The following TCTN2 variants were observed in gnomAD, a reference collection of about 807,000 sequenced individuals.
TCTN2 encodes tectonic family member 2.
A neutral mutation model predicts 83.4 loss-of-function variants in TCTN2; 66 were observed. That is an observed-to-expected ratio of 0.79 (90% CI 0.65 to 0.97). TCTN2 has a LOEUF of 0.97. TCTN2 is among the 50% of genes least tolerant of loss of function. The pLI, the probability that TCTN2 is intolerant of heterozygous loss-of-function variation, is 0.00. For synonymous variants in TCTN2, 301 were observed against 326.7 expected, an observed-to-expected ratio of 0.92 and a Z score of 0.85; for missense variants, 794 against 858.1, an observed-to-expected ratio of 0.93 and a Z score of 0.93.
In TCTN2 at chr12:123,697,167, G is replaced by A; in HGVS notation, c.1474G>A (p.Val492Ile). 1 of 1,614,010 alleles carries A rather than the reference G, an allele frequency of 6.2e-7. No individual in the cohort carries two copies. The highest frequency in any genetic ancestry group is 2.2e-5 in the East Asian group (1 of 44,856). Residue 492 changes from valine to isoleucine, a missense_variant, in exon 13 of 18, where the codon GTC (valine) becomes ATC (isoleucine). Transcript: ENST00000303372. ...TGTACTCTCTGGATGCCTGTTAGAA[G>A]TCGGGATTAATGAAAATTGTACTCA... ...ENVLSGCLLEVGINENCTQLR... is the reference protein window; with the variant it reads ...ENVLSGCLLEIGINENCTQLR...
At chr12:123,701,192 T>C (rs1044268964) in intron 14 of TCTN2, among the ~76,000 whole-genome samples, 1 of 152,180 alleles carries the variant, frequency 6.6e-6, no homozygotes, top group African/African-American at 2.4e-5. Flanking sequence ...ATATGCAATG[T>C]CCAGAATGGG....
chr12:123,672,789 G>A (rs191049534), intron 3 of TCTN2, among the ~76,000 whole-genome samples: 1 of 152,092 alleles, frequency 6.6e-6, no homozygotes, highest in African/African-American at 2.4e-5. Context: ...GGTGGCTCAC[G>A]CCTGTAATCC....
Position 123,672,849 on chromosome 12 carries a change from A to C in TCTN2, c.267+717A>C, listed in dbSNP as rs1284073551. ...GCGGATCATCTGAGGTCAGGAGTTCAAGACCAGTCTGGCCAACATGGTGAA... is the reference window on the plus strand; with the variant it reads ...GCGGATCATCTGAGGTCAGGAGTTCCAGACCAGTCTGGCCAACATGGTGAA... On this transcript the variant is annotated intron_variant, in intron 3 of 17. Coordinates refer to ENST00000303372, the MANE Select transcript of TCTN2 (RefSeq NM_024809.5). 2.0e-5 allele frequency among the ~76,000 whole-genome samples: 3 copies of C among 152,172 alleles called. No homozygotes were observed. The East Asian group carries it at 5.8e-4, about 29-fold the overall frequency.
intron 5 of TCTN2, among the ~76,000 whole-genome samples, chr12:123,680,588 G>GTCTGC (rs754544045): frequency 6.7e-6 from 1 of 150,132 alleles, no homozygotes; most frequent in Non-Finnish European, 1.5e-5. Flanking sequence ...ACGATCTCGG[G>GTCTGC]TCACTGCAAC....
In TCTN2 at chr12:123,679,263, T is replaced by C. The variant is rs1439783387; in HGVS notation, c.538T>C (p.Cys180Arg). The C allele has an allele frequency of 6.2e-7, 1 of 1,614,030 alleles. No homozygotes were observed. The change falls in exon 5 of 18, where the codon TGT becomes CGT. Residue 180 changes from cysteine to arginine, a missense_variant. Transcript: ENST00000303372. ...PCPCNLTAGA[C>R]DVRCCCDQEC... The stretch of plus-strand genomic sequence containing the variant: ...TCCTTGTAATTTAACAGCTGGAGCC[T>C]GTGATGTTCGCTGCTGCTGTGACCA...
chr12:123,688,520 A>G (rs1956004512), intron 7 of TCTN2, among the ~76,000 whole-genome samples: 1 of 151,156 alleles, frequency 6.6e-6, no homozygotes, highest in African/African-American at 2.4e-5. Flanking sequence ...TGGCCACTAG[A>G]CCCTTCTTTT....
At chr12:123,690,736 A>C in intron 8 of TCTN2, 62 bp downstream of exon 8, 153 of 1,580,800 alleles carry the variant, frequency 9.7e-5, no homozygotes, top group Non-Finnish European at 1.2e-4. Context: ...GTATGATCTC[A>C]TGAGAGTATA....
intron 5 of TCTN2, among the ~76,000 whole-genome samples, chr12:123,682,763 T>G (rs1218824899): frequency 6.6e-6 from 1 of 151,792 alleles, no homozygotes; most frequent in Non-Finnish European, 1.5e-5. Flanking sequence ...ATTAGAGGGG[T>G]GAGCCACTGT....
chr12:123,704,455 C>T, intron 14 of TCTN2, 77 bp from the exon 15 acceptor site: 1 of 1,454,364 alleles, frequency 6.9e-7, no homozygotes. Context: ...TATTATTCCC[C>T]ATTTTGGTTA....
chr12:123,694,840 A>G lies in TCTN2; in HGVS notation c.1100-2A>G. 15 of 1,611,504 alleles carry G rather than the reference A, an allele frequency of 9.3e-6. No individual in the cohort carries two copies. Among genetic ancestry groups the G allele is most frequent in the Non-Finnish European group, 1.2e-5 (14 of 1,178,066 alleles). On this transcript the variant is annotated splice_acceptor_variant, in intron 9 of 17. Coordinates refer to ENST00000303372, the MANE Select transcript of TCTN2 (RefSeq NM_024809.5). LOFTEE classifies it high-confidence loss of function. ...TTTATGAACATATTCTTGTATTTGC[A>G]GAAACTCCTTTAAATAACGGATCAA...
chr12:123,688,144 G>T lies in TCTN2; in HGVS notation c.858G>T (p.Met286Ile), dbSNP rs371804063. ...GTTACAAACAAGGAGATCCCATTAT[G>T]ACTGTAAAGAAGGCATATTTTACTA... ...DFGYKQGDPIMTVKKAYFTIP... is the reference protein window; with the variant it reads ...DFGYKQGDPIITVKKAYFTIP... The change falls in exon 7 of 18, where the codon ATG becomes ATT. Residue 286 changes from methionine to isoleucine, a missense_variant. Physicochemically the swap from Met to Ile is conservative, Grantham distance 10. Transcript: ENST00000303372. 4.3e-6 allele frequency: 7 copies of T among 1,613,032 alleles called. No homozygotes were observed. The highest frequency in any genetic ancestry group is 1.7e-5 in the Admixed American group (1 of 59,962).
At position 123,690,391 on chromosome 12, in the gene TCTN2, A is replaced by G. The variant is rs999673212; in HGVS notation, c.892-142A>G. On this transcript the variant is annotated intron_variant, in intron 7 of 17. Transcript: ENST00000303372. ...TTAGATGTTTTGCTAAAGCGGGTCAACTAGTCGGTGAACTTGCCGTTGCTG... is the reference window on the plus strand; with the variant it reads ...TTAGATGTTTTGCTAAAGCGGGTCAGCTAGTCGGTGAACTTGCCGTTGCTG... The G allele has an allele frequency of 7.3e-5, 83 of 1,130,820 alleles. No homozygotes were observed. The East Asian group carries it at 2.1e-3, about 28-fold the overall frequency. 70.0% of individuals were successfully genotyped at this position (1,130,820 alleles called of 1,614,324 possible). A position where few individuals can be genotyped will look rare whatever the true frequency, so the allele number is the denominator to read the frequency against.
intron 11 of TCTN2, 147 bp downstream of exon 11, chr12:123,695,444 C>A (rs886143811): frequency 1.6e-6 from 1 of 640,422 alleles, no homozygotes; most frequent in South Asian, 1.7e-5. Context: ...TTTTTTGAGA[C>A]GGAGTCTTGC....
At position 123,694,809 on chromosome 12, in the gene TCTN2, CTTTAA is replaced by C. The variant is rs776125274; in HGVS notation, c.1100-28_1100-24del. 1.0e-5 allele frequency: 16 copies of C among 1,604,050 alleles called. No individual in the cohort carries two copies. The African/African-American group carries it at 2.1e-4, about 22-fold the overall frequency. On this transcript the variant is annotated intron_variant, in intron 9 of 17. Coordinates refer to ENST00000303372, the MANE Select transcript of TCTN2 (RefSeq NM_024809.5). ...TAACAGAGTCAGGCTCAAAGAGGGT[CTTTAA>C]TTTATGAACATATTCTTGTATTTGC...
At chr12:123,685,438 A>G (rs1169147587) in intron 5 of TCTN2, among the ~76,000 whole-genome samples, 1 of 152,180 alleles carries the variant, frequency 6.6e-6, no homozygotes, top group East Asian at 1.9e-4. Flanking sequence ...TCTTTTTTCG[A>G]GACGGAGTCT....
In TCTN2 at chr12:123,671,173, T is replaced by G; in HGVS notation, c.-68T>G. The G allele has an allele frequency of 6.8e-7, 1 of 1,468,952 alleles. No homozygotes were observed. Among genetic ancestry groups the G allele is most frequent in the Non-Finnish European group, 9.3e-7 (1 of 1,073,642 alleles). The allele number at this position is 1,468,952 out of a possible 1,614,324, so 91.0% of individuals were successfully genotyped here. On this transcript the variant is annotated 5_prime_UTR_variant, in exon 1 of 18. Coordinates refer to ENST00000303372, the MANE Select transcript of TCTN2 (RefSeq NM_024809.5). ...CGGGGCAGTGGCTGCTGCGTTTTCGTGTCTGAGTCCTTCCTGGGTTCTAAT... is the reference window on the plus strand; with the variant it reads ...CGGGGCAGTGGCTGCTGCGTTTTCGGGTCTGAGTCCTTCCTGGGTTCTAAT...
chr12:123,696,542 T>C, intron 12 of TCTN2, 47 bp downstream of exon 12: 3 of 1,494,282 alleles, frequency 2.0e-6, no homozygotes, highest in Non-Finnish European at 2.8e-6. Context: ...AAATTGGTGT[T>C]AGAAGTATTA....
rs1955760027 is a variant in TCTN2 at position 123,672,079 on chromosome 12, G to A, written c.214G>A (p.Gly72Arg). 6.2e-7 allele frequency: 1 copy of A among 1,614,166 alleles called. No individual in the cohort carries two copies. The highest frequency in any genetic ancestry group is 2.2e-5 in the East Asian group (1 of 44,880). Residue 72 changes from glycine to arginine, a missense_variant, in exon 3 of 18, where the codon GGA becomes AGA. By Grantham distance (125) the Gly-to-Arg change is moderately radical. Transcript: ENST00000303372. ...EAGILPIPTC[G>R]VLNNETEDWS... ...AGGAATATTGCCAATTCCGACGTGTGGAGTGCTGAACAATGAGACGGAAGA... is the reference window on the plus strand; with the variant it reads ...AGGAATATTGCCAATTCCGACGTGTAGAGTGCTGAACAATGAGACGGAAGA...
Position 123,688,519 on chromosome 12 carries a change from G to T in TCTN2, c.891+342G>T, listed in dbSNP as rs537235883. Among the ~76,000 whole-genome samples the T allele has an allele frequency of 2.0e-5, 3 of 151,368 alleles. No homozygotes were observed. The South Asian group carries it at 6.3e-4, about 32-fold the overall frequency. ...CATGAGCCACCATGCCTGGCCACTA[G>T]ACCCTTCTTTTATTTTTCCTGTCCT... On this transcript the variant is annotated intron_variant, in intron 7 of 17. Transcript: ENST00000303372.
Sources: allele counts gnomAD v4.1 joint callset (sites outside exome capture counted in the v4.1 genomes callset), GRCh38; gene constraint gnomAD v4.1.1; transcripts MANE v1.5; gene names NCBI Gene and HGNC (gene_info 2026-07-23, HGNC 2026-07-21).